Variants in WWOX observed in about 807,000 individuals in gnomAD.
WWOX encodes the protein WW domain-containing oxidoreductase.
WWOX carries 69 observed loss-of-function variants against 46.2 expected under a neutral mutation model. That is an observed-to-expected ratio of 1.49 (90% CI 1.23 to 1.82). The LOEUF is 1.82. WWOX is among the 40% of genes most tolerant of loss of function. The probability of loss-of-function intolerance (pLI) is 0.00; values close to 1 mark genes in which losing one functional copy is unlikely to be tolerated. For missense variants in WWOX, 919 were observed against 542.6 expected, an observed-to-expected ratio of 1.69 and a Z score of -6.89; for synonymous variants, 359 against 202.6, an observed-to-expected ratio of 1.77 and a Z score of -6.56.
chr16:78,645,053 T>C lies in WWOX; in HGVS notation c.1056+212301T>C, dbSNP rs991735838. Among the ~76,000 whole-genome samples the C allele has an allele frequency of 2.0e-5, 3 of 152,204 alleles. No individual in the cohort carries two copies. The East Asian group carries it at 5.8e-4, about 29-fold the overall frequency. On this transcript the variant is annotated intron_variant, in intron 8 of 8. Coordinates refer to ENST00000566780, the MANE Select transcript of WWOX (RefSeq NM_016373.4). ...TCTTTTCTTCAAAAGTTGGGTTGCA[T>C]TGCATAGTTAAAGTTCTTTAAATTC...
At chr16:78,282,878 C>CAAAAAA (rs60994323) in intron 5 of WWOX, among the ~76,000 whole-genome samples, 2 of 68,804 alleles carry the variant, frequency 2.9e-5, no homozygotes, top group African/African-American at 5.4e-5. Flanking sequence ...CACTCCATCT[C>CAAAAAA]AAAAAAAAAA....
intron 8 of WWOX, among the ~76,000 whole-genome samples, chr16:78,594,548 C>G (rs4887968): frequency 0.063 from 9,472 of 150,652 alleles, 318 homozygotes; most frequent in South Asian, 0.17. Context: ...TCTCAATCAC[C>G]TGGCTCAAAC....
At chr16:79,056,594 G>C (rs1183355861) in intron 8 of WWOX, among the ~76,000 whole-genome samples, 9 of 152,138 alleles carry the variant, frequency 5.9e-5, no homozygotes. Context: ...AGGATGTTTA[G>C]CAGCATCCCT....
chr16:78,459,919 C>T (rs965453384), intron 8 of WWOX, among the ~76,000 whole-genome samples: 5 of 151,752 alleles, frequency 3.3e-5, no homozygotes, highest in African/African-American at 4.8e-5. Flanking sequence ...ATCCTCCCAC[C>T]TCAGCCTCCC....
chr16:78,475,417 T>C (rs2084328455), intron 8 of WWOX, among the ~76,000 whole-genome samples: 1 of 152,128 alleles, frequency 6.6e-6, no homozygotes, highest in Admixed American at 6.5e-5. Flanking sequence ...TTTGTAAATA[T>C]TTTGCTTAGT....
At chr16:78,211,555 CCTGCTG>C (rs753430190) in intron 5 of WWOX, among the ~76,000 whole-genome samples, 1 of 151,734 alleles carries the variant, frequency 6.6e-6, no homozygotes, top group Admixed American at 6.6e-5. Flanking sequence ...TGCTGTTGCT[CCTGCTG>C]CTGCTGCTGC....
intron 8 of WWOX, among the ~76,000 whole-genome samples, chr16:78,984,155 G>T (rs941822883): frequency 6.6e-6 from 1 of 152,112 alleles, no homozygotes; most frequent in Non-Finnish European, 1.5e-5. Flanking sequence ...TGGCATTACA[G>T]GCATGAGCCA....
chr16:78,538,861 C>A (rs1002333628), intron 8 of WWOX, among the ~76,000 whole-genome samples: 1 of 152,130 alleles, frequency 6.6e-6, no homozygotes. Flanking sequence ...TTCATTTGGT[C>A]CTGAATAGTA....
chr16:78,802,954 A>G (rs1325441275), intron 8 of WWOX, among the ~76,000 whole-genome samples: 2 of 147,044 alleles, frequency 1.4e-5, no homozygotes, highest in Non-Finnish European at 3.0e-5. Context: ...AACAAACAGA[A>G]AAATGAACGA....
intron 8 of WWOX, among the ~76,000 whole-genome samples, chr16:79,020,006 A>C (rs566138261): frequency 6.6e-6 from 1 of 152,200 alleles, no homozygotes; most frequent in Non-Finnish European, 1.5e-5. Context: ...TGTGGGGAAG[A>C]GCTCATCATT....
chr16:78,174,854 G>A (rs754093952), intron 5 of WWOX, among the ~76,000 whole-genome samples: 16 of 152,200 alleles, frequency 1.1e-4, no homozygotes, highest in African/African-American at 2.9e-4. Context: ...TGGGTGTGGC[G>A]GCATGCGCCT....
chr16:78,330,614 C>A (rs2080733273), intron 5 of WWOX, among the ~76,000 whole-genome samples: 1 of 152,184 alleles, frequency 6.6e-6, no homozygotes, highest in South Asian at 2.1e-4. Context: ...CCGGGATGCT[C>A]TCGATCTTTT....
intron 8 of WWOX, among the ~76,000 whole-genome samples, chr16:79,000,889 C>T (rs1197532236): frequency 6.6e-6 from 1 of 152,108 alleles, no homozygotes; most frequent in African/African-American, 2.4e-5. Context: ...TCATGTTGCA[C>T]TTATTTGTGT....
At chr16:78,219,528 AC>A (rs1196453256) in intron 5 of WWOX, among the ~76,000 whole-genome samples, 2 of 152,114 alleles carry the variant, frequency 1.3e-5, no homozygotes, top group Non-Finnish European at 2.9e-5. Flanking sequence ...AATTGATGCA[AC>A]CCCACAGTGA....
chr16:78,652,677 C>T (rs1426409375), intron 8 of WWOX, among the ~76,000 whole-genome samples: 1 of 152,118 alleles, frequency 6.6e-6, no homozygotes, highest in African/African-American at 2.4e-5. Context: ...TTATCATCCT[C>T]AAGAATTGGG....
rs547434976 is a variant in WWOX, at chr16:78,490,799, C to T, written c.1056+58047C>T. 2.6e-5 allele frequency among the ~76,000 whole-genome samples: 4 copies of T among 152,328 alleles called. No homozygotes were observed. The South Asian group carries it at 6.2e-4, about 24-fold the overall frequency. Reference sequence around the variant, plus strand: ...ACCCAGCAAACGTGGCTTCTCTTCCCCAGGCAGAGCAGTCCGTTACTTAGA... The same window carrying T: ...ACCCAGCAAACGTGGCTTCTCTTCCTCAGGCAGAGCAGTCCGTTACTTAGA... On this transcript the variant is annotated intron_variant, in intron 8 of 8. Coordinates refer to ENST00000566780, the MANE Select transcript of WWOX (RefSeq NM_016373.4).
chr16:78,405,625 G>GT (rs551997434), intron 6 of WWOX, among the ~76,000 whole-genome samples: 4 of 152,202 alleles, frequency 2.6e-5, no homozygotes, highest in Non-Finnish European at 5.9e-5. Flanking sequence ...ATGTATATGT[G>GT]TTTTTTATCT....
chr16:78,963,818 C>T (rs970342593), intron 8 of WWOX, among the ~76,000 whole-genome samples: 12 of 152,300 alleles, frequency 7.9e-5, no homozygotes, highest in Middle Eastern at 3.4e-3. Flanking sequence ...CAAATCTTAA[C>T]TTGAATCGTA....
intron 8 of WWOX, among the ~76,000 whole-genome samples, chr16:78,823,327 A>T (rs2051556884): frequency 6.6e-6 from 1 of 152,248 alleles, no homozygotes; most frequent in East Asian, 1.9e-4. Flanking sequence ...TGATCACATT[A>T]TTGTGTCAGC....
Sources: gnomAD v4.1 joint callset for allele counts (sites outside exome capture counted in the v4.1 genomes callset) on GRCh38, gnomAD v4.1.1 for gene constraint, MANE v1.5 for transcripts, NCBI Gene and HGNC (gene_info 2026-07-23, HGNC 2026-07-21) for gene names.